Variants in AZIN2 observed in about 807,000 individuals in gnomAD.
AZIN2 encodes antizyme inhibitor 2.
In AZIN2, 28 loss-of-function variants were observed where a neutral mutation model predicts 47.8. The ratio of observed to expected loss-of-function variants is 0.59; its 90% CI spans 0.43 to 0.80. The LOEUF is 0.80. Ranked by LOEUF, AZIN2 falls within the 30% of genes least tolerant of loss-of-function variation. The pLI is 0.00. For missense variants in AZIN2, 535 were observed against 582.5 expected, an observed-to-expected ratio of 0.92 and a Z score of 0.84; for synonymous variants, 221 against 239.4, an observed-to-expected ratio of 0.92 and a Z score of 0.71.
chr1:33,084,015 T>C lies in AZIN2; in HGVS notation c.167T>C (p.Phe56Ser). 1 of 1,614,136 alleles carries C rather than the reference T, an allele frequency of 6.2e-7. No homozygotes were observed. The highest frequency in any genetic ancestry group is 8.5e-7 in the Non-Finnish European group (1 of 1,180,016). Residue 56 changes from phenylalanine (F) to serine (S), a missense_variant, in exon 5 of 12, where the codon TTT becomes TCT. Physicochemically the swap from Phe to Ser is radical, Grantham distance 155 (BLOSUM62 -2). Coordinates refer to ENST00000294517, the MANE Select transcript of AZIN2 (RefSeq NM_052998.4). ...LGAIVRKHFC[F>S]LKCLPRVRPF... is the part of the protein sequence containing the mutation. ...GCCATAGTGAGGAAGCACTTTTGCT[T>C]TCTGAAGTGCCTGCCACGAGTCCGG...
intron 9 of AZIN2, among the ~76,000 whole-genome samples, chr1:33,097,605 T>C (rs1172981597): frequency 1.3e-5 from 2 of 152,192 alleles, no homozygotes; most frequent in Non-Finnish European, 2.9e-5. Context: ...TGAAGGGTGG[T>C]GGGCTCCAGG....
At chr1:33,092,290 T>C (rs1642639351) in intron 6 of AZIN2, 68 bp downstream of exon 6, 13 of 1,077,708 alleles carry the variant, frequency 1.2e-5, no homozygotes, top group Middle Eastern at 4.4e-4. Context: ...GCCTGGGCTG[T>C]GGGGAGGCTG....
At chr1:33,095,491 G>C (rs1570010756) in intron 8 of AZIN2, among the ~76,000 whole-genome samples, 3 of 152,004 alleles carry the variant, frequency 2.0e-5, no homozygotes, top group African/African-American at 4.8e-5. Context: ...AAAAAATAGC[G>C]TTTGTATAAA....
At chr1:33,090,082 G>A (rs1379592567) in intron 5 of AZIN2, among the ~76,000 whole-genome samples, 2 of 152,148 alleles carry the variant, frequency 1.3e-5, no homozygotes, top group South Asian at 2.1e-4. Flanking sequence ...GGCAAACTAC[G>A]GATGGAAGGC....
chr1:33,104,360 A>G (rs1397090583), intron 10 of AZIN2, among the ~76,000 whole-genome samples: 1 of 152,150 alleles, frequency 6.6e-6, no homozygotes, highest in Non-Finnish European at 1.5e-5. Context: ...CATGTATTTA[A>G]TATGATGTTT....
rs372169839 is a variant in AZIN2, at chr1:33,084,063, A to G, written c.215A>G (p.Asn72Ser). 13 of 1,614,000 alleles carry G rather than the reference A, an allele frequency of 8.1e-6. No individual in the cohort carries two copies. Among genetic ancestry groups the G allele is most frequent in the Middle Eastern group, 3.3e-4 (2 of 6,006 alleles). Residue 72 changes from asparagine (N) to serine (S), a missense_variant, in exon 5 of 12, where the codon AAC (asparagine) becomes AGC (serine). Asn to Ser is a conservative substitution (Grantham distance 46, BLOSUM62 1). This residue lies in a region of AZIN2 where 409 missense variants were observed against 429.0 expected (regional missense o/e 0.95). Coordinates refer to ENST00000294517, the MANE Select transcript of AZIN2 (RefSeq NM_052998.4). ...RVRPFYAVKC[N>S]SSPGVLKVLA... ...CGGCCCTTTTATGCTGTCAAGTGCA[A>G]CAGCAGCCCAGGTGTGCTGAAGGTT...
At chr1:33,158,746 C>T in the AZIN2 span, among the ~76,000 whole-genome samples, 1 of 152,194 alleles carries the variant, frequency 6.6e-6, no homozygotes, top group Non-Finnish European at 1.5e-5. Flanking sequence ...GATTTGGGGT[C>T]ACAGAGACCT....
downstream of AZIN2, among the ~76,000 whole-genome samples, chr1:33,127,216 T>A (rs1644862647): frequency 6.6e-6 from 1 of 152,250 alleles, no homozygotes; most frequent in Non-Finnish European, 1.5e-5. Context: ...TGGAAACGAT[T>A]GCCTGGCGGA....
chr1:33,137,888 C>T, the AZIN2 span, among the ~76,000 whole-genome samples: 1 of 152,194 alleles, frequency 6.6e-6, no homozygotes, highest in African/African-American at 2.4e-5. Context: ...TCAGGACCAC[C>T]CAGGCCCCCA....
chr1:33,093,907 A>G (rs1476963999), intron 7 of AZIN2, among the ~76,000 whole-genome samples: 2 of 151,476 alleles, frequency 1.3e-5, no homozygotes, highest in African/African-American at 4.8e-5. Flanking sequence ...ACTAATTTTT[A>G]TTTGTTGTAG....
intron 10 of AZIN2, among the ~76,000 whole-genome samples, chr1:33,098,927 C>T (rs922086856): frequency 6.6e-6 from 1 of 152,058 alleles, no homozygotes; most frequent in Middle Eastern, 3.2e-3. Flanking sequence ...CCATGCCTGG[C>T]TAATTTTTGT....
At position 33,113,732 on chromosome 1, in the gene AZIN2, TGACA is replaced by T. The variant is rs1167220488; in HGVS notation, c.1030-4168_1030-4165del. Among the ~76,000 whole-genome samples the T allele has an allele frequency of 1.3e-5, 2 of 152,228 alleles. No homozygotes were observed. Among genetic ancestry groups the T allele is most frequent in the African/African-American group, 4.8e-5 (2 of 41,458 alleles). ...TTCTCTAGTTTCTCCATTTGGAAAA[TGACA>T]GGGCTGAACTTCAGTGTATCTCAAT... On this transcript the variant is annotated intron_variant, in intron 10 of 11. Transcript: ENST00000294517. The surrounding 1 kb of genome is among the most constrained non-coding windows in gnomAD (Gnocchi z 4.1).
In AZIN2 at chr1:33,096,857, C is replaced by A. The variant is rs1643210496; in HGVS notation, c.904C>A (p.Pro302Thr). The A allele has an allele frequency of 3.7e-6, 6 of 1,614,024 alleles. No homozygotes were observed. The highest frequency in any genetic ancestry group is 3.3e-5 in the South Asian group (3 of 91,080). ...IAKKEVLLDQ[P>T]GREEENGSTS... is the part of the protein sequence containing the mutation. ...CAAGAAGGAGGTTCTGCTAGACCAG[C>A]CTGGCAGGGAGGGTAGGTGCCAGGT... Residue 302 changes from proline (P) to threonine (T), a missense_variant, in exon 9 of 12, where the codon CCT becomes ACT. By Grantham distance (38) the Pro-to-Thr change is conservative. Around this residue, in one of 3 missense-constraint regions of AZIN2, gnomAD observed 409 missense variants for 429.0 expected, o/e 0.95. Coordinates refer to ENST00000294517, the MANE Select transcript of AZIN2 (RefSeq NM_052998.4).
chr1:33,146,890 A>T, the AZIN2 span: 21 of 438,802 alleles, frequency 4.8e-5, no homozygotes. Context: ...CCCTGAGAAG[A>T]TGGGGATGAG....
intron 10 of AZIN2, among the ~76,000 whole-genome samples, chr1:33,117,499 C>T (rs912495954): frequency 1.3e-5 from 2 of 152,228 alleles, no homozygotes; most frequent in African/African-American, 4.8e-5. Flanking sequence ...CAATAAGTTA[C>T]AATTGTGCTG....
Position 33,095,442 on chromosome 1 carries a change from G to A in AZIN2, c.753+729G>A, listed in dbSNP as rs188394119. Among the ~76,000 whole-genome samples the A allele has an allele frequency of 2.2e-4, 33 of 152,126 alleles. No individual in the cohort carries two copies. In the East Asian group the frequency reaches 6.0e-3, roughly 28 times the overall value. ...GTTCACAGTCTATTAAGTAAAACAG[G>A]TTCCAAAAACATATACAGAGACCTA... On this transcript the variant is annotated intron_variant, in intron 8 of 11. Coordinates refer to ENST00000294517, the MANE Select transcript of AZIN2 (RefSeq NM_052998.4).
chr1:33,102,020 G>A, intron 10 of AZIN2: 1 of 641,478 alleles, frequency 1.6e-6, no homozygotes, highest in Non-Finnish European at 2.9e-6. Context: ...TCTGATGAGT[G>A]AGCAAGGAGT....
Position 33,082,170 on chromosome 1 carries a change from C to G in AZIN2, c.-72-8C>G. 2.5e-6 allele frequency: 3 copies of G among 1,210,392 alleles called. No individual in the cohort carries two copies. The highest frequency in any genetic ancestry group is 2.4e-6 in the Non-Finnish European group (2 of 833,186). The allele number at this position is 1,210,392 out of a possible 1,614,324, so 75.0% of individuals were successfully genotyped here. A position where few individuals can be genotyped will look rare whatever the true frequency, so the allele number is the denominator to read the frequency against. On this transcript the variant is annotated splice_region_variant and splice_polypyrimidine_tract_variant and intron_variant, in intron 3 of 11. Transcript: ENST00000294517. ...CAGCGGTTCCCTTCATCTCCCCTCG[C>G]CCCGCAGTGTGTTGCATACTTTCTA...
chr1:33,163,485 A>C, the AZIN2 span: 1 of 152,276 alleles, frequency 6.6e-6, no homozygotes, highest in East Asian at 1.9e-4. Context: ...CTCAGCACAG[A>C]GAAAAGTTCT....
Sources: gnomAD v4.1 joint callset for allele counts (sites outside exome capture counted in the v4.1 genomes callset) on GRCh38, gnomAD v4.1.1 for gene constraint, gnomAD v4.1.1 regional missense constraint, Gnocchi (gnomAD v3.1) non-coding constraint, MANE v1.5 for transcripts, NCBI Gene and HGNC (gene_info 2026-07-23, HGNC 2026-07-21) for gene names.